Variants in MAP3K21 observed in about 807,000 individuals in gnomAD.
MAP3K21 encodes mitogen-activated protein kinase kinase kinase MLK4.
A neutral mutation model predicts 86.1 loss-of-function variants in MAP3K21; 63 were observed. The ratio of observed to expected loss-of-function variants is 0.73; its 90% confidence interval spans 0.60 to 0.90. The LOEUF is 0.90. MAP3K21 is among the 40% of genes least tolerant of loss of function. The pLI, the probability that MAP3K21 is intolerant of heterozygous loss-of-function variation, is 0.00. For missense variants in MAP3K21, 1,220 were observed against 1,367.7 expected (o/e 0.89, Z 1.70); for synonymous variants, 558 against 564.8 (o/e 0.99, Z 0.17).
At chr1:233,369,394 A>C (rs1397842013) in intron 5 of MAP3K21, among the ~76,000 whole-genome samples, 1 of 152,136 alleles carries the variant, frequency 6.6e-6, no homozygotes, top group Non-Finnish European at 1.5e-5. Flanking sequence ...CATCTCCAAA[A>C]AAAGAAGTAA....
At chr1:233,372,204 C>A (rs747615119) in intron 6 of MAP3K21, 44 bp downstream of exon 6, 2 of 1,605,676 alleles carry the variant, frequency 1.2e-6, no homozygotes, top group Non-Finnish European at 8.5e-7. Flanking sequence ...GTTGACTTCT[C>A]TCCTTTCACT....
Position 233,328,460 on chromosome 1 carries a change from G to A in MAP3K21, c.432G>A (p.Gln144=). ...GGCAGGTGTACCGCGCCACCTGGCA[G>A]GGCCAGGAGGTGGCCGTGAAGGCGG... is the stretch of plus-strand genomic sequence containing the variant. ...GFGQVYRATW[Q]GQEVAVKAAR... is the part of the protein sequence containing the mutation. The change falls in exon 1 of 10, where the codon CAG becomes CAA. Residue 144 remains glutamine (Q), a synonymous_variant. Transcript: ENST00000366624. The surrounding 1 kb of genome is among the most constrained non-coding windows in gnomAD (Gnocchi z 8.7). 1.3e-6 allele frequency: 2 copies of A among 1,495,302 alleles called. No individual in the cohort carries two copies. The highest frequency in any genetic ancestry group is 1.8e-6 in the Non-Finnish European group (2 of 1,132,796). The allele number at this position is 1,495,302 out of a possible 1,614,324, so 92.6% of individuals were successfully genotyped here.
rs777294854 is a variant in MAP3K21 at position 233,382,298 on chromosome 1, C to T, written c.2705-7C>T. The T allele has an allele frequency of 1.3e-5, 21 of 1,604,160 alleles. No individual in the cohort carries two copies. In the South Asian group the frequency reaches 2.2e-4, roughly 17 times the overall value. Reference sequence around the variant, plus strand: ...TAACTGCATACTGTTTTGGCTTTCTCAACCAGCTGGTGCAACTATTATCTC... The same window carrying T: ...TAACTGCATACTGTTTTGGCTTTCTTAACCAGCTGGTGCAACTATTATCTC... On this transcript the variant is annotated splice_polypyrimidine_tract_variant and splice_region_variant and intron_variant, in intron 9 of 9. Coordinates refer to ENST00000366624, the MANE Select transcript of MAP3K21 (RefSeq NM_032435.3).
chr1:233,380,790 T>C (rs1294243), intron 9 of MAP3K21, among the ~76,000 whole-genome samples: 6,928 of 152,198 alleles, frequency 0.046, 180 homozygotes, highest in Middle Eastern at 0.058. Context: ...TTACGGAAAA[T>C]TAATGTTATT....
At chr1:233,380,651 C>T (rs997329866) in intron 9 of MAP3K21, among the ~76,000 whole-genome samples, 4 of 152,296 alleles carry the variant, frequency 2.6e-5, no homozygotes, top group South Asian at 2.1e-4. Flanking sequence ...TTAGTCTATT[C>T]AACAAGAGGG....
At chr1:233,335,451 C>T (rs1406641983) in intron 1 of MAP3K21, among the ~76,000 whole-genome samples, 2 of 151,872 alleles carry the variant, frequency 1.3e-5, no homozygotes, top group East Asian at 1.9e-4. Context: ...TATTAGATGC[C>T]GAGCACTACT....
chr1:233,357,403 T>C (rs78230088), intron 4 of MAP3K21, among the ~76,000 whole-genome samples: 5 of 147,876 alleles, frequency 3.4e-5, no homozygotes, highest in Admixed American at 3.4e-4. Context: ...TAAAGTATAA[T>C]TAAAAAAAAA....
chr1:233,339,208 T>TTCC (rs1662970306), intron 1 of MAP3K21, among the ~76,000 whole-genome samples: 9 of 42,578 alleles, frequency 2.1e-4, no homozygotes, highest in African/African-American at 8.4e-5. Context: ...CTTCTTCTTC[T>TTCC]TCTTCTTCTT....
At chr1:233,358,909 A>C in intron 4 of MAP3K21, among the ~76,000 whole-genome samples, 1 of 152,124 alleles carries the variant, frequency 6.6e-6, no homozygotes, top group Middle Eastern at 3.2e-3. Context: ...TCCCGAGTTC[A>C]AGTGATTCTC....
chr1:233,343,451 C>T (rs77447301), intron 1 of MAP3K21, among the ~76,000 whole-genome samples: 2,126 of 152,250 alleles, frequency 0.014, 53 homozygotes, highest in African/African-American at 0.048. Context: ...CCAAACCAGG[C>T]GGGTTGGCCC....
At chr1:233,351,696 CAAA>C (rs10710526) in intron 2 of MAP3K21, among the ~76,000 whole-genome samples, 6 of 117,088 alleles carry the variant, frequency 5.1e-5, no homozygotes, top group Admixed American at 8.6e-5. Context: ...GATTCCATCT[CAAA>C]AAAAAAAAAA....
intron 1 of MAP3K21, among the ~76,000 whole-genome samples, chr1:233,340,654 T>C (rs1663024290): frequency 6.6e-6 from 1 of 152,064 alleles, no homozygotes; most frequent in Non-Finnish European, 1.5e-5. Context: ...AGGAAATGGG[T>C]GAAAAGAAAT....
chr1:233,379,603 C>T lies in MAP3K21; in HGVS notation c.2597C>T (p.Pro866Leu), dbSNP rs760993530. The T allele has an allele frequency of 1.6e-5, 26 of 1,614,014 alleles. No individual in the cohort carries two copies. The highest frequency in any genetic ancestry group is 5.5e-5 in the South Asian group (5 of 91,084). ...GATTGTAGTGTATCAAGAAACTTGC[C>T]GTCTTCCTTCCTACAGCAGACATGT... ...DTDCSVSRNL[P>L]SSFLQQTCGN... The change falls in exon 9 of 10, where the codon CCG (proline) becomes CTG (leucine). Residue 866 changes from proline to leucine, a missense_variant. By Grantham distance (98) the Pro-to-Leu change is moderately conservative. Transcript: ENST00000366624.
At chr1:233,339,428 C>T (rs186002176) in intron 1 of MAP3K21, among the ~76,000 whole-genome samples, 49 of 130,360 alleles carry the variant, frequency 3.8e-4, no homozygotes, top group East Asian at 1.4e-3. Flanking sequence ...TTCTCCTCCT[C>T]CTTCTCCTCC....
Position 233,379,368 on chromosome 1 carries a change from A to C in MAP3K21, c.2362A>C (p.Ser788Arg), listed in dbSNP as rs750614925. The C allele has an allele frequency of 6.2e-7, 1 of 1,614,182 alleles. No individual in the cohort carries two copies. The highest frequency in any genetic ancestry group is 1.1e-5 in the South Asian group (1 of 91,088). The change falls in exon 9 of 10, where the codon AGC becomes CGC. Residue 788 changes from serine (S) to arginine (R), a missense_variant. By Grantham distance (110) the Ser-to-Arg change is moderately radical. This residue lies in a region of MAP3K21 where 632 missense variants were observed against 691.3 expected (regional missense o/e 0.91). Transcript: ENST00000366624. ...TSLPSTCGEA[S>R]SPPSLPLSSA... ...CCTGCCATCCACCTGTGGGGAGGCC[A>C]GCAGCCCACCCTCCCTGCCACTGTC...
intron 1 of MAP3K21, among the ~76,000 whole-genome samples, chr1:233,344,712 A>G (rs1056101692): frequency 4.6e-5 from 7 of 152,214 alleles, no homozygotes; most frequent in Non-Finnish European, 7.3e-5. Context: ...AATGGCAACA[A>G]AAGCCAAAAT....
intron 1 of MAP3K21, among the ~76,000 whole-genome samples, chr1:233,337,176 C>G (rs1233716150): frequency 6.6e-6 from 1 of 150,588 alleles, no homozygotes; most frequent in Non-Finnish European, 1.5e-5. Flanking sequence ...CCCATATGGT[C>G]TCTGTTTGCA....
At chr1:233,347,382 A>G (rs949911190) in intron 2 of MAP3K21, among the ~76,000 whole-genome samples, 4 of 152,188 alleles carry the variant, frequency 2.6e-5, no homozygotes, top group African/African-American at 4.8e-5. Flanking sequence ...TTGACTTTCC[A>G]TTCAGCTTTG....
At chr1:233,362,341 T>G (rs1454018898) in intron 5 of MAP3K21, 48 bp downstream of exon 5, 1 of 1,593,172 alleles carries the variant, frequency 6.3e-7, no homozygotes, top group African/African-American at 1.3e-5. Flanking sequence ...GTGTCCTCCT[T>G]TTAATCAGTT....
Sources: gnomAD v4.1 joint callset for allele counts (sites outside exome capture counted in the v4.1 genomes callset) on GRCh38, gnomAD v4.1.1 for gene constraint, gnomAD v4.1.1 regional missense constraint, Gnocchi (gnomAD v3.1) non-coding constraint, MANE v1.5 for transcripts, NCBI Gene and HGNC (gene_info 2026-07-23, HGNC 2026-07-21) for gene names.